The following ZMAT4 variants were observed in gnomAD, a reference collection of about 807,000 sequenced individuals.
ZMAT4 encodes zinc finger matrin-type protein 4.
In ZMAT4, 17 loss-of-function variants were observed where a neutral mutation model predicts 28.7. The ratio of observed to expected loss-of-function variants is 0.59; its 90% CI spans 0.41 to 0.89. ZMAT4 has a LOEUF of 0.89. Ranked by LOEUF, ZMAT4 falls within the 40% of genes least tolerant of loss-of-function variation. The pLI is 0.00. For missense variants in ZMAT4, 240 were observed against 283.8 expected, an observed-to-expected ratio of 0.85 and a Z score of 1.11; for synonymous variants, 117 against 109.2, an observed-to-expected ratio of 1.07 and a Z score of -0.44.
At chr8:40,553,822 G>A (rs1289220272) in intron 6 of ZMAT4, among the ~76,000 whole-genome samples, 1 of 152,146 alleles carries the variant, frequency 6.6e-6, no homozygotes, top group African/African-American at 2.4e-5. Context: ...ACTGTTAGAT[G>A]ATAGGGAGAG....
chr8:40,868,453 G>C (rs978638949), intron 1 of ZMAT4, among the ~76,000 whole-genome samples: 3 of 152,150 alleles, frequency 2.0e-5, no homozygotes, highest in Admixed American at 6.5e-5. Context: ...TGTCTGCACT[G>C]TCTGAGGGCT....
At chr8:40,822,254 C>A (rs1815857201) in intron 2 of ZMAT4, among the ~76,000 whole-genome samples, 1 of 152,306 alleles carries the variant, frequency 6.6e-6, no homozygotes, top group Admixed American at 6.5e-5. Context: ...GGACAAGGAT[C>A]ATTTCTCATA....
intron 5 of ZMAT4, among the ~76,000 whole-genome samples, chr8:40,603,602 T>G (rs142893066): frequency 5.4e-4 from 82 of 152,242 alleles, no homozygotes; most frequent in Non-Finnish European, 9.9e-4. Flanking sequence ...TATAATTTCT[T>G]TCAGCAGTGT....
At position 40,652,760 on chromosome 8, in the gene ZMAT4, A is replaced by T. The variant is rs955916859; in HGVS notation, c.577+21944T>A. On this transcript the variant is annotated intron_variant, in intron 5 of 6. Coordinates refer to ENST00000297737, the MANE Select transcript of ZMAT4 (RefSeq NM_024645.3). The stretch of plus-strand genomic sequence containing the variant: ...ATGGAATACTATGCAGCCATAAAAA[A>T]TGATGAGTTCATGTCCTTTGTAGGG... Among the ~76,000 whole-genome samples the T allele has an allele frequency of 2.7e-3, 353 of 129,468 alleles. 2 individuals are homozygous for T. Among genetic ancestry groups the T allele is most frequent in the African/African-American group, 9.0e-3 (332 of 37,028 alleles). The allele number at this position is 129,468 out of a possible 152,430, so 84.9% of individuals were successfully genotyped here.
intron 2 of ZMAT4, among the ~76,000 whole-genome samples, chr8:40,801,216 G>T (rs993654911): frequency 6.0e-5 from 9 of 151,110 alleles, no homozygotes; most frequent in Non-Finnish European, 1.0e-4. Context: ...TAGAGAAATT[G>T]AATTAATAAT....
intron 2 of ZMAT4, among the ~76,000 whole-genome samples, chr8:40,824,672 G>A (rs1012714389): frequency 1.1e-5 from 1 of 94,842 alleles, no homozygotes; most frequent in Non-Finnish European, 2.4e-5. Flanking sequence ...GGAAAGGAAA[G>A]AAAGAAAGCA....
intron 5 of ZMAT4, among the ~76,000 whole-genome samples, chr8:40,613,151 C>CCTTTCTTT (rs1406742029): frequency 2.2e-5 from 3 of 137,282 alleles, no homozygotes; most frequent in Admixed American, 1.5e-4. Flanking sequence ...TTTCACCTAC[C>CCTTTCTTT]CTTTCTTTCT....
chr8:40,543,593 A>T (rs1428062076), intron 6 of ZMAT4, among the ~76,000 whole-genome samples: 4 of 152,130 alleles, frequency 2.6e-5, no homozygotes, highest in African/African-American at 9.7e-5. Flanking sequence ...AAATCATGGA[A>T]CCTAGAGCAG....
chr8:40,613,481 G>C (rs1367122293), intron 5 of ZMAT4, among the ~76,000 whole-genome samples: 1 of 152,044 alleles, frequency 6.6e-6, no homozygotes, highest in African/African-American at 2.4e-5. Context: ...ACCTTGCCCA[G>C]CCTCACCTGC....
intron 3 of ZMAT4, among the ~76,000 whole-genome samples, chr8:40,764,445 C>G (rs896745444): frequency 2.6e-5 from 4 of 152,176 alleles, no homozygotes; most frequent in African/African-American, 9.7e-5. Flanking sequence ...GTATAATAGG[C>G]CCTTCACTGC....
At chr8:40,774,999 A>C (rs1336127144) in intron 2 of ZMAT4, among the ~76,000 whole-genome samples, 1 of 152,220 alleles carries the variant, frequency 6.6e-6, no homozygotes, top group Non-Finnish European at 1.5e-5. Context: ...TATGTCCCAG[A>C]AAGACCAAGA....
intron 1 of ZMAT4, among the ~76,000 whole-genome samples, chr8:40,864,211 G>T (rs1163259587): frequency 6.6e-6 from 1 of 152,214 alleles, no homozygotes; most frequent in Non-Finnish European, 1.5e-5. Flanking sequence ...TTGCCAATCT[G>T]CCTGAGCCAC....
chr8:40,791,800 C>T (rs1814336513), intron 2 of ZMAT4, among the ~76,000 whole-genome samples: 1 of 152,190 alleles, frequency 6.6e-6, no homozygotes, highest in Admixed American at 6.5e-5. Flanking sequence ...GAAGCTCTCC[C>T]TTATAGCCCA....
intron 2 of ZMAT4, among the ~76,000 whole-genome samples, chr8:40,821,887 T>C (rs1815843015): frequency 6.6e-6 from 1 of 152,188 alleles, no homozygotes; most frequent in South Asian, 2.1e-4. Context: ...TCCTTAAAGA[T>C]AGATACCAAG....
chr8:40,847,370 C>T (rs1396552263), intron 1 of ZMAT4, among the ~76,000 whole-genome samples: 5 of 152,176 alleles, frequency 3.3e-5, no homozygotes, highest in African/African-American at 1.2e-4. Flanking sequence ...CCCAGGAAAG[C>T]GCTCCTCAAA....
intron 2 of ZMAT4, among the ~76,000 whole-genome samples, chr8:40,811,864 C>T (rs1050739855): frequency 6.6e-6 from 1 of 152,156 alleles, no homozygotes; most frequent in Non-Finnish European, 1.5e-5. Flanking sequence ...GGCACAGTGG[C>T]TCATGCCTGT....
intron 2 of ZMAT4, among the ~76,000 whole-genome samples, chr8:40,787,090 C>T (rs566851530): frequency 2.6e-4 from 39 of 152,082 alleles, no homozygotes; most frequent in African/African-American, 9.4e-4. Flanking sequence ...TTCAAGTGTC[C>T]CAATCAATTT....
At chr8:40,577,800 T>C (rs902187226) in intron 6 of ZMAT4, among the ~76,000 whole-genome samples, 1 of 151,808 alleles carries the variant, frequency 6.6e-6, no homozygotes, top group Admixed American at 6.6e-5. Context: ...TTTAATTTAG[T>C]AATTAATTTT....
At chr8:40,707,662 ATGTATGTCTGTG>A (rs1468584548) in intron 3 of ZMAT4, among the ~76,000 whole-genome samples, 1 of 152,200 alleles carries the variant, frequency 6.6e-6, no homozygotes, top group Admixed American at 6.5e-5. Flanking sequence ...AAGTATGTGT[ATGTATGTCTGTG>A]TGTATATACA....
Sources: allele counts gnomAD v4.1 joint callset (sites outside exome capture counted in the v4.1 genomes callset), GRCh38; gene constraint gnomAD v4.1.1; transcripts MANE v1.5; gene names NCBI Gene and HGNC (gene_info 2026-07-23, HGNC 2026-07-21).